AK5: variants seen among roughly 807,000 people sequenced by gnomAD.
AK5 encodes the protein adenylate kinase isoenzyme 5.
A neutral mutation model predicts 69.5 loss-of-function variants in AK5; 27 were observed. The ratio of observed to expected loss-of-function variants is 0.39; its 90% CI spans 0.29 to 0.54. The LOEUF (loss-of-function observed/expected upper bound fraction) is 0.54, where lower values mean the gene tolerates loss of function less well. AK5 is among the 20% of genes least tolerant of loss of function. The pLI is 0.71. For missense variants in AK5, 531 were observed against 700.4 expected, an observed-to-expected ratio of 0.76 and a Z score of 2.73; for synonymous variants, 260 against 244.4, an observed-to-expected ratio of 1.06 and a Z score of -0.60.
chr1:77,283,214 G>T, intron 1 of AK5: 17 of 985,470 alleles, frequency 1.7e-5, no homozygotes, highest in Non-Finnish European at 2.0e-5. Context: ...CCTGTCTCAG[G>T]TCGTTTGGCT....
At chr1:77,556,481 T>G (rs756751732) in intron 13 of AK5, among the ~76,000 whole-genome samples, 6 of 152,238 alleles carry the variant, frequency 3.9e-5, no homozygotes, top group Non-Finnish European at 5.9e-5. Flanking sequence ...TTCTTTTTCT[T>G]TTAATTACTA....
chr1:77,440,428 A>G (rs1188495703), intron 8 of AK5, among the ~76,000 whole-genome samples: 1 of 152,092 alleles, frequency 6.6e-6, no homozygotes, highest in Non-Finnish European at 1.5e-5. Flanking sequence ...ATTTTTGATA[A>G]TTTGACTATA....
intron 12 of AK5, among the ~76,000 whole-genome samples, chr1:77,526,651 A>G (rs1318114336): frequency 1.3e-5 from 2 of 150,534 alleles, no homozygotes; most frequent in African/African-American, 4.9e-5. Flanking sequence ...AATTTTTTGT[A>G]TTTTTAGTAG....
intron 6 of AK5, among the ~76,000 whole-genome samples, chr1:77,373,750 A>C (rs1647167731): frequency 6.6e-6 from 1 of 152,028 alleles, no homozygotes; most frequent in Non-Finnish European, 1.5e-5. Flanking sequence ...AAAAACAAAA[A>C]ACATATGATT....
intron 8 of AK5, among the ~76,000 whole-genome samples, chr1:77,471,733 A>C (rs1408063450): frequency 6.6e-6 from 1 of 152,220 alleles, no homozygotes; most frequent in Non-Finnish European, 1.5e-5. Flanking sequence ...CAGCAAATTA[A>C]ATTGGTAGTA....
chr1:77,310,683 A>G (rs1670615), intron 5 of AK5, among the ~76,000 whole-genome samples: 150,060 of 152,276 alleles, frequency 0.99, 73,992 homozygotes, highest in Middle Eastern at 1. Context: ...ACCCGGCCCT[A>G]TTCTTTTTTA....
At chr1:77,326,311 T>A in intron 5 of AK5, among the ~76,000 whole-genome samples, 1 of 152,176 alleles carries the variant, frequency 6.6e-6, no homozygotes, top group East Asian at 1.9e-4. Flanking sequence ...AAGAAATAAA[T>A]GTGGATAAGT....
chr1:77,504,942 T>C (rs1435771583), intron 10 of AK5, among the ~76,000 whole-genome samples: 2 of 152,248 alleles, frequency 1.3e-5, no homozygotes, highest in African/African-American at 4.8e-5. Flanking sequence ...TTTTCAACTT[T>C]TGCTTTTATT....
intron 8 of AK5, among the ~76,000 whole-genome samples, chr1:77,462,685 T>C (rs1489171651): frequency 2.0e-5 from 3 of 152,114 alleles, no homozygotes; most frequent in African/African-American, 7.2e-5. Context: ...TGCATAAAAG[T>C]AGGAAAAATA....
chr1:77,518,568 T>C lies in AK5; in HGVS notation c.1152T>C (p.Gly384=). The C allele has an allele frequency of 6.2e-7, 1 of 1,613,922 alleles. No individual in the cohort carries two copies. Among genetic ancestry groups the C allele is most frequent in the Non-Finnish European group, 8.5e-7 (1 of 1,179,918 alleles). ...RKCKIIFIIG[G]PGSGKGTQCE... ...GACACATGACTTCTTTTCAAGGTGG[T>C]CCTGGCTCTGGCAAAGGCACACAGT... Residue 384 remains glycine, a synonymous_variant, in exon 11 of 14, where the codon GGT becomes GGC. Coordinates refer to ENST00000354567, the MANE Select transcript of AK5 (RefSeq NM_174858.3).
At chr1:77,515,773 G>A (rs921977350) in intron 10 of AK5, among the ~76,000 whole-genome samples, 6 of 152,144 alleles carry the variant, frequency 3.9e-5, no homozygotes, top group Non-Finnish European at 8.8e-5. Flanking sequence ...GAATGTGACC[G>A]GGCACAGTGG....
chr1:77,465,969 G>A (rs144226571), intron 8 of AK5, among the ~76,000 whole-genome samples: 1 of 152,156 alleles, frequency 6.6e-6, no homozygotes, highest in Non-Finnish European at 1.5e-5. Context: ...AATCTAGAGT[G>A]ATCTTTTTTA....
chr1:77,475,195 A>ATGTGTG (rs756205351), intron 8 of AK5, among the ~76,000 whole-genome samples: 10 of 29,154 alleles, frequency 3.4e-4, no homozygotes, highest in African/African-American at 1.4e-3. Context: ...ATATATATAT[A>ATGTGTG]TGTGTGTGTG....
chr1:77,496,958 GACA>G (rs990292219), intron 10 of AK5, among the ~76,000 whole-genome samples: 4 of 152,228 alleles, frequency 2.6e-5, no homozygotes, highest in Admixed American at 2.0e-4. Flanking sequence ...TGTGGGCAGG[GACA>G]AATAAGGGAA....
At chr1:77,500,301 G>A (rs1042391649) in intron 10 of AK5, among the ~76,000 whole-genome samples, 1 of 152,140 alleles carries the variant, frequency 6.6e-6, no homozygotes, top group Non-Finnish European at 1.5e-5. Context: ...GCTTAGTAAA[G>A]TAGCACACGG....
chr1:77,301,466 A>G (rs991631770), intron 5 of AK5, among the ~76,000 whole-genome samples: 3 of 152,176 alleles, frequency 2.0e-5, no homozygotes, highest in Non-Finnish European at 4.4e-5. Flanking sequence ...CAGCAATGCT[A>G]TTACTATGGA....
intron 6 of AK5, among the ~76,000 whole-genome samples, chr1:77,408,034 G>T (rs1397908213): frequency 6.6e-6 from 1 of 152,040 alleles, no homozygotes; most frequent in Non-Finnish European, 1.5e-5. Flanking sequence ...GTCCACCATT[G>T]TTGGGGACCC....
chr1:77,524,809 A>C (rs1157636416), intron 12 of AK5, among the ~76,000 whole-genome samples: 1 of 119,580 alleles, frequency 8.4e-6, no homozygotes, highest in Non-Finnish European at 1.6e-5. Context: ...ACAAGAAGTT[A>C]TTACCTAATC....
At chr1:77,477,032 G>A (rs1027386818) in intron 8 of AK5, among the ~76,000 whole-genome samples, 12 of 151,566 alleles carry the variant, frequency 7.9e-5, no homozygotes, top group African/African-American at 1.9e-4. Flanking sequence ...GTGTGTGTGC[G>A]TGTGTGTGTT....
Sources: gnomAD v4.1 joint callset for allele counts (sites outside exome capture counted in the v4.1 genomes callset) on GRCh38, gnomAD v4.1.1 for gene constraint, MANE v1.5 for transcripts, NCBI Gene and HGNC (gene_info 2026-07-23, HGNC 2026-07-21) for gene names.